DNAJC19: variants seen among roughly 807,000 people sequenced by gnomAD.
DNAJC19 encodes mitochondrial import inner membrane translocase subunit TIM14.
DNAJC19 carries 15 observed loss-of-function variants against 19.8 expected under a neutral mutation model. The ratio of observed to expected loss-of-function variants is 0.76; its 90% CI spans 0.51 to 1.17. The LOEUF (loss-of-function observed/expected upper bound fraction) is 1.17. DNAJC19 is among the 50% of genes most tolerant of loss of function. The pLI, the probability that DNAJC19 is intolerant of heterozygous loss-of-function variation, is 0.00. For synonymous variants in DNAJC19, 38 were observed against 42.1 expected (o/e 0.90, Z 0.38); for missense variants, 105 against 140.9 (o/e 0.75, Z 1.29).
intron 1 of DNAJC19, among the ~76,000 whole-genome samples, chr3:180,988,948 T>C (rs989491917): frequency 2.0e-5 from 3 of 149,752 alleles, no homozygotes; most frequent in Non-Finnish European, 4.4e-5. Context: ...GCGGAGCTTG[T>C]AGTGAGCCAA....
Position 180,988,846 on chromosome 3 carries a change from CA to C in DNAJC19, c.4-618del, listed in dbSNP as rs11465052. Among the ~76,000 whole-genome samples, 1,605 of 134,256 alleles carry C rather than the reference CA, an allele frequency of 0.012. 51 individuals carry two copies. In the East Asian group the frequency reaches 0.13, roughly 11 times the overall value. The allele number at this position is 134,256 out of a possible 152,430, so 88.1% of individuals were successfully genotyped here. ...TGAAACCCCGTCTCTACTAAAAATA[CA>C]AAAAAAAAAAAAATTAGCTGGGCGT... is the stretch of plus-strand genomic sequence containing the variant. On this transcript the variant is annotated intron_variant, in intron 1 of 5. Coordinates refer to ENST00000382564, the MANE Select transcript of DNAJC19 (RefSeq NM_145261.4).
At chr3:180,987,077 A>G (rs949580367) in intron 3 of DNAJC19, 55 bp from the exon 4 acceptor site, 36 of 1,493,012 alleles carry the variant, frequency 2.4e-5, no homozygotes, top group Non-Finnish European at 3.0e-5. Flanking sequence ...GTTGCTTTAA[A>G]AAAGACGTCT....
At chr3:180,989,500 G>A (rs1577026843) in intron 1 of DNAJC19, 100 bp downstream of exon 1, 2 of 1,546,520 alleles carry the variant, frequency 1.3e-6, no homozygotes, top group Non-Finnish European at 1.7e-6. Context: ...GCCCGCAGTC[G>A]CACTAAGGAG....
chr3:180,986,363 C>T (rs1269022624), intron 4 of DNAJC19, among the ~76,000 whole-genome samples: 1 of 150,634 alleles, frequency 6.6e-6, no homozygotes, highest in Non-Finnish European at 1.5e-5. Flanking sequence ...TTCACTGCAA[C>T]CTCGGCCTCC....
chr3:180,987,137 A>G lies in DNAJC19; in HGVS notation c.130-115T>C, dbSNP rs1577025187. On this transcript the variant is annotated intron_variant, in intron 3 of 5. Coordinates refer to ENST00000382564, the MANE Select transcript of DNAJC19 (RefSeq NM_145261.4). Reference sequence around the variant, plus strand: ...AACTAAGACATTTCAGAGGACTTTTAGTGCAATTCCCGAGGTATTTTAGCT... The same window carrying G: ...AACTAAGACATTTCAGAGGACTTTTGGTGCAATTCCCGAGGTATTTTAGCT... The G allele has an allele frequency of 5.6e-6, 5 of 890,696 alleles. No individual in the cohort carries two copies. The East Asian group carries it at 1.2e-4, about 22-fold the overall frequency. The allele number at this position is 890,696 out of a possible 1,614,324, so 55.2% of individuals were successfully genotyped here.
At chr3:180,989,567 A>T (rs751727548) in intron 1 of DNAJC19, 33 bp downstream of exon 1, 1 of 1,570,114 alleles carries the variant, frequency 6.4e-7, no homozygotes, top group Non-Finnish European at 8.6e-7. Context: ...CCTGGGCCGG[A>T]GGTCGCCAAG....
intron 4 of DNAJC19, chr3:180,986,657 G>A: frequency 2.6e-6 from 1 of 390,340 alleles, no homozygotes; most frequent in Non-Finnish European, 4.6e-6. Flanking sequence ...CTGCTGAGGA[G>A]TCTATCTTTA....
At chr3:180,985,200 T>G (rs1380162055) in intron 5 of DNAJC19, among the ~76,000 whole-genome samples, 1 of 152,170 alleles carries the variant, frequency 6.6e-6, no homozygotes, top group Non-Finnish European at 1.5e-5. Flanking sequence ...CCCTTCACAA[T>G]GTCATCTACA....
intron 4 of DNAJC19, chr3:180,986,654 G>A: frequency 2.6e-6 from 1 of 381,366 alleles, no homozygotes; most frequent in Non-Finnish European, 4.8e-6. Flanking sequence ...AATCTGCTGA[G>A]GAGTCTATCT....
chr3:180,989,449 G>A, intron 1 of DNAJC19, 151 bp downstream of exon 1: 2 of 1,503,800 alleles, frequency 1.3e-6, no homozygotes, highest in Non-Finnish European at 1.8e-6. Context: ...CAACAGGGTT[G>A]TGTCCTGGTG....
Position 180,984,401 on chromosome 3 carries a change from G to A in DNAJC19, c.*239C>T, listed in dbSNP as rs934697111. 5 of 534,842 alleles carry A rather than the reference G, an allele frequency of 9.3e-6. No homozygotes were observed. 33.1% of individuals were successfully genotyped at this position (534,842 alleles called of 1,614,324 possible). A position where few individuals can be genotyped will look rare whatever the true frequency, so the allele number is the denominator to read the frequency against. On this transcript the variant is annotated 3_prime_UTR_variant, in exon 6 of 6. Transcript: ENST00000382564. ...AGGTCCCAAATTATCTGCTAAATGA[G>A]TAATGAACAATATTTCTATTCAGAA...
Position 180,986,932 on chromosome 3 carries a change from G to C in DNAJC19, c.209+11C>G, listed in dbSNP as rs374496383. The C allele has an allele frequency of 1.2e-6, 2 of 1,607,898 alleles. No individual in the cohort carries two copies. Among genetic ancestry groups the C allele is most frequent in the Non-Finnish European group, 1.7e-6 (2 of 1,174,766 alleles). Reference sequence around the variant, plus strand: ...GTAGAAAAATGCTAAAAATATTAGAGATTATTTTACCTTACACCTAGTATT... The same window carrying C: ...GTAGAAAAATGCTAAAAATATTAGACATTATTTTACCTTACACCTAGTATT... On this transcript the variant is annotated intron_variant, in intron 4 of 5. Transcript: ENST00000382564.
intron 3 of DNAJC19, 77 bp downstream of exon 3, chr3:180,987,946 A>G: frequency 6.5e-7 from 1 of 1,536,334 alleles, no homozygotes; most frequent in Non-Finnish European, 9.0e-7. Context: ...AACTTCATGG[A>G]TATTTGGAAA....
chr3:180,984,734 C>G, intron 5 of DNAJC19, 24 bp from the exon 6 acceptor site: 1 of 1,534,614 alleles, frequency 6.5e-7, no homozygotes, highest in East Asian at 2.3e-5. Flanking sequence ...GAAAAAAGAA[C>G]AGTTACAATA....
Position 180,987,041 on chromosome 3 carries a change from T to C in DNAJC19, c.130-19A>G. 6.2e-7 allele frequency: 1 copy of C among 1,607,592 alleles called. No individual in the cohort carries two copies. The highest frequency in any genetic ancestry group is 8.5e-7 in the Non-Finnish European group (1 of 1,174,102). On this transcript the variant is annotated intron_variant, in intron 3 of 5. Coordinates refer to ENST00000382564, the MANE Select transcript of DNAJC19 (RefSeq NM_145261.4). ...TGAAGGCCTGAAAGAAGAAATGCAT[T>C]TGTAAAGAAAGGTTAATAAAATAAA...
In DNAJC19 at chr3:180,989,595, C is replaced by T; in HGVS notation, c.3+5G>A. The T allele has an allele frequency of 4.4e-6, 7 of 1,586,372 alleles. No homozygotes were observed. The highest frequency in any genetic ancestry group is 1.2e-5 in the South Asian group (1 of 86,636). On this transcript the variant is annotated splice_donor_5th_base_variant and intron_variant, in intron 1 of 5. Transcript: ENST00000382564. Reference sequence around the variant, plus strand: ...TCGCCAAGAAGACCGGAAGGCCGCACTCACCATGGCTCCGGCTGGGCTCCC... The same window carrying T: ...TCGCCAAGAAGACCGGAAGGCCGCATTCACCATGGCTCCGGCTGGGCTCCC...
intron 1 of DNAJC19, 108 bp downstream of exon 1, chr3:180,989,492 C>G: frequency 6.5e-7 from 1 of 1,543,228 alleles, no homozygotes; most frequent in Non-Finnish European, 8.8e-7. Context: ...AACCTCCCGC[C>G]CGCAGTCGCA....
chr3:180,987,354 A>T (rs1309643873), intron 3 of DNAJC19: 4 of 328,672 alleles, frequency 1.2e-5, no homozygotes, highest in African/African-American at 2.1e-5. Flanking sequence ...AAAAATCTGC[A>T]AGAAGTGGCT....
At position 180,987,841 on chromosome 3, in the gene DNAJC19, A is replaced by T; in HGVS notation, c.129+182T>A. On this transcript the variant is annotated intron_variant, in intron 3 of 5. Transcript: ENST00000382564. ...ACCCCATCCAACTCTGTCACATATA[A>T]CATCTGATGTTTCAGGGTAGCACCA... 4 of 710,322 alleles carry T rather than the reference A, an allele frequency of 5.6e-6. No individual in the cohort carries two copies. In the South Asian group the frequency reaches 7.1e-5, roughly 13 times the overall value. 44.0% of individuals were successfully genotyped at this position (710,322 alleles called of 1,614,324 possible).
Sources: gnomAD v4.1 joint callset for allele counts (sites outside exome capture counted in the v4.1 genomes callset) on GRCh38, gnomAD v4.1.1 for gene constraint, MANE v1.5 for transcripts, NCBI Gene and HGNC (gene_info 2026-07-23, HGNC 2026-07-21) for gene names.